Variants in RUNX2 observed in about 807,000 individuals in gnomAD.
RUNX2 encodes the protein RUNX family transcription factor 2, also known as runt-related transcription factor 2.
A neutral mutation model predicts 51.7 loss-of-function variants in RUNX2; 10 were observed. The ratio of observed to expected loss-of-function variants is 0.19; its 90% CI spans 0.12 to 0.33. RUNX2 has a LOEUF of 0.33. Ranked by LOEUF, RUNX2 falls within the 10% of genes least tolerant of loss-of-function variation. The pLI, the probability that RUNX2 is intolerant of heterozygous loss-of-function variation, is 1.00. For synonymous variants in RUNX2, 276 were observed against 273.6 expected, an observed-to-expected ratio of 1.01 and a Z score of -0.09; for missense variants, 562 against 691.3, an observed-to-expected ratio of 0.81 and a Z score of 2.10.
intron 2 of RUNX2, among the ~76,000 whole-genome samples, chr6:45,383,241 G>A (rs1797278806): frequency 6.6e-6 from 1 of 152,088 alleles, no homozygotes; most frequent in African/African-American, 2.4e-5. Flanking sequence ...AGACCAGCCT[G>A]GCCAACATAA....
intron 3 of RUNX2, among the ~76,000 whole-genome samples, chr6:45,429,337 T>A (rs528602420): frequency 8.5e-5 from 13 of 152,224 alleles, no homozygotes; most frequent in African/African-American, 2.9e-4. Context: ...AAATACAATA[T>A]GCTGAGTGTA....
At chr6:45,329,395 TATG>T (rs1787000542) in intron 2 of RUNX2, among the ~76,000 whole-genome samples, 1 of 151,962 alleles carries the variant, frequency 6.6e-6, no homozygotes, top group African/African-American at 2.4e-5. Flanking sequence ...GAAATAAAAT[TATG>T]ATAAGCACAT....
chr6:45,500,782 G>A (rs1800780339), intron 6 of RUNX2, among the ~76,000 whole-genome samples: 1 of 152,218 alleles, frequency 6.6e-6, no homozygotes, highest in South Asian at 2.1e-4. Context: ...GTTACAGTTT[G>A]TGACTAGGAG....
chr6:45,378,015 G>A (rs1195293546), intron 2 of RUNX2: 2 of 152,022 alleles, frequency 1.3e-5, no homozygotes, highest in Non-Finnish European at 2.9e-5. Flanking sequence ...AGGAGTAAGC[G>A]ATACGGACGC....
chr6:45,340,752 G>C (rs536040135), intron 2 of RUNX2, among the ~76,000 whole-genome samples: 1 of 151,998 alleles, frequency 6.6e-6, no homozygotes, highest in South Asian at 2.1e-4. Context: ...TAATTTAGGG[G>C]TAAAAAATTA....
intron 5 of RUNX2, among the ~76,000 whole-genome samples, chr6:45,478,872 C>CT (rs1044908221): frequency 6.6e-6 from 1 of 151,456 alleles, no homozygotes; most frequent in Non-Finnish European, 1.5e-5. Flanking sequence ...ATAGGACAGA[C>CT]TTTTTTTTTC....
intron 2 of RUNX2, among the ~76,000 whole-genome samples, chr6:45,420,683 A>G (rs957869392): frequency 6.6e-6 from 1 of 152,354 alleles, no homozygotes; most frequent in Non-Finnish European, 1.5e-5. Context: ...GAGTTTGGTA[A>G]TAAGCAAGAA....
At chr6:45,387,886 G>T (rs1797385869) in intron 2 of RUNX2, among the ~76,000 whole-genome samples, 1 of 152,176 alleles carries the variant, frequency 6.6e-6, no homozygotes, top group Non-Finnish European at 1.5e-5. Context: ...TGGCAAAACA[G>T]CTTCAATAGA....
chr6:45,381,568 C>T (rs901554845), intron 2 of RUNX2, among the ~76,000 whole-genome samples: 77 of 152,146 alleles, frequency 5.1e-4, no homozygotes, highest in African/African-American at 1.6e-3. Context: ...GCTGGGACTA[C>T]AGGCATGTGC....
At chr6:45,447,018 T>C (rs543527304) in intron 5 of RUNX2, among the ~76,000 whole-genome samples, 1 of 152,326 alleles carries the variant, frequency 6.6e-6, no homozygotes, top group South Asian at 2.1e-4. Flanking sequence ...CCAAAACTCT[T>C]CATTAAAATT....
At chr6:45,443,929 C>A (rs891577891) in intron 5 of RUNX2, among the ~76,000 whole-genome samples, 2 of 152,154 alleles carry the variant, frequency 1.3e-5, no homozygotes, top group Admixed American at 1.3e-4. Context: ...AGGCTCACTG[C>A]AACCTCCATC....
chr6:45,384,060 G>A (rs1034222934), intron 2 of RUNX2, among the ~76,000 whole-genome samples: 1 of 152,190 alleles, frequency 6.6e-6, no homozygotes, highest in Non-Finnish European at 1.5e-5. Flanking sequence ...CAGGTATAGT[G>A]TAAAAAATAA....
chr6:45,512,761 C>T (rs1264017807), intron 7 of RUNX2, among the ~76,000 whole-genome samples: 4 of 151,934 alleles, frequency 2.6e-5, no homozygotes, highest in African/African-American at 7.3e-5. Flanking sequence ...CCTTTCTTTT[C>T]GTAACATCTG....
chr6:45,422,072 G>T (rs1317142298), intron 2 of RUNX2: 1 of 147,884 alleles, frequency 6.8e-6, no homozygotes, highest in Admixed American at 6.7e-5. Context: ...AGGCGCGGCC[G>T]CCTGCAGCTG....
intron 7 of RUNX2, among the ~76,000 whole-genome samples, chr6:45,541,469 T>G (rs1802226762): frequency 6.6e-6 from 1 of 152,192 alleles, no homozygotes; most frequent in Non-Finnish European, 1.5e-5. Context: ...ATAGGTCTTG[T>G]GTATTACATG....
chr6:45,406,918 T>G (rs1275418750), intron 2 of RUNX2, among the ~76,000 whole-genome samples: 1 of 152,162 alleles, frequency 6.6e-6, no homozygotes, highest in East Asian at 1.9e-4. Flanking sequence ...AAAAATTGCT[T>G]TATTAAATAC....
intron 2 of RUNX2, among the ~76,000 whole-genome samples, chr6:45,399,771 GAGGGAGGGAGGGAGGA>G (rs1797665021): frequency 7.6e-6 from 1 of 131,876 alleles, no homozygotes. Context: ...AGGAAGGAAG[GAGGGAGGGAGGGAGGA>G]AAGGAGGGAA....
At chr6:45,338,055 T>C (rs1292080641) in intron 2 of RUNX2, among the ~76,000 whole-genome samples, 1 of 152,048 alleles carries the variant, frequency 6.6e-6, no homozygotes, top group Non-Finnish European at 1.5e-5. Flanking sequence ...ATTTAGTCTT[T>C]ATTGAATAAA....
chr6:45,409,621 G>A (rs1033174475), intron 2 of RUNX2, among the ~76,000 whole-genome samples: 3 of 152,120 alleles, frequency 2.0e-5, no homozygotes, highest in African/African-American at 7.2e-5. Flanking sequence ...CCAACAAGAT[G>A]TAAGAAAGTT....
Sources: allele counts gnomAD v4.1 joint callset (sites outside exome capture counted in the v4.1 genomes callset), GRCh38; gene constraint gnomAD v4.1.1; transcripts MANE v1.5; gene names NCBI Gene and HGNC (gene_info 2026-07-23, HGNC 2026-07-21).